Variants in NDRG1 observed in about 807,000 individuals in gnomAD.
NDRG1 encodes N-myc downstream regulated 1.
A neutral mutation model predicts 56.9 loss-of-function variants in NDRG1; 32 were observed. The observed-to-expected ratio is 0.56, with a 90% CI of 0.42 to 0.76. The LOEUF is 0.76. NDRG1 is among the 30% of genes least tolerant of loss of function. The probability of loss-of-function intolerance (pLI) is 0.00; values close to 1 mark genes in which losing one functional copy is unlikely to be tolerated. For synonymous variants in NDRG1, 211 were observed against 204.1 expected (o/e 1.03, Z -0.29); for missense variants, 507 against 545.7 (o/e 0.93, Z 0.71).
chr8:133,250,308 A>G (rs946877372), intron 10 of NDRG1, 132 bp downstream of exon 10: 2 of 852,772 alleles, frequency 2.3e-6, no homozygotes, highest in Non-Finnish European at 4.0e-6. Context: ...CTGTCCTATT[A>G]ATCTATTTGC....
intron 5 of NDRG1, among the ~76,000 whole-genome samples, chr8:133,261,269 C>T (rs1856648555): frequency 6.6e-6 from 1 of 152,112 alleles, no homozygotes; most frequent in Non-Finnish European, 1.5e-5. Flanking sequence ...CCACGCCCAG[C>T]TCATTTTTGT....
intron 5 of NDRG1, among the ~76,000 whole-genome samples, chr8:133,260,031 G>T (rs1490508684): frequency 6.6e-6 from 1 of 152,220 alleles, no homozygotes; most frequent in Non-Finnish European, 1.5e-5. Flanking sequence ...CCACTGAGCT[G>T]AGAAGCCGCA....
intron 15 of NDRG1, chr8:133,239,337 T>C (rs1314698490): frequency 2.8e-6 from 2 of 720,178 alleles, no homozygotes; most frequent in Admixed American, 5.5e-5. Flanking sequence ...AATCACACCA[T>C]GAGTGACTTG....
chr8:133,238,827 AG>A lies in NDRG1; in HGVS notation c.*50del. The A allele has an allele frequency of 2.0e-6, 3 of 1,524,558 alleles. No individual in the cohort carries two copies. Among genetic ancestry groups the A allele is most frequent in the Non-Finnish European group, 8.8e-7 (1 of 1,138,882 alleles). The allele number at this position is 1,524,558 out of a possible 1,614,324, so 94.4% of individuals were successfully genotyped here. On this transcript the variant is annotated 3_prime_UTR_variant, in exon 16 of 16. Coordinates refer to ENST00000323851, the MANE Select transcript of NDRG1 (RefSeq NM_006096.4). ...AGGGGGCGAAAAGGGGCCGGGGAGG[AG>A]GGGGCCACTACAGAGATCAGAGTCC...
intron 3 of NDRG1, among the ~76,000 whole-genome samples, chr8:133,270,136 A>G (rs1273207683): frequency 6.6e-6 from 1 of 152,256 alleles, no homozygotes; most frequent in Non-Finnish European, 1.5e-5. Flanking sequence ...TCCAATTGAC[A>G]GAGTCTGGCC....
At chr8:133,247,838 G>T in intron 12 of NDRG1, 37 bp downstream of exon 12, 2 of 1,611,178 alleles carry the variant, frequency 1.2e-6, no homozygotes, top group Non-Finnish European at 1.7e-6. Flanking sequence ...TTTGCCTGTT[G>T]AATTAAACAC....
intron 11 of NDRG1, 113 bp from the exon 12 acceptor site, chr8:133,248,039 C>T (rs987868281): frequency 8.0e-6 from 8 of 1,000,014 alleles, no homozygotes; most frequent in African/African-American, 1.6e-5. Context: ...TTTTGGTTTC[C>T]CCAACACCCT....
At chr8:133,263,317 T>C (rs1025574963) in intron 4 of NDRG1, among the ~76,000 whole-genome samples, 1 of 152,208 alleles carries the variant, frequency 6.6e-6, no homozygotes, top group Non-Finnish European at 1.5e-5. Context: ...AAGGTATTAA[T>C]AAGCTTTATA....
chr8:133,275,600 C>G (rs1857414138), intron 3 of NDRG1, among the ~76,000 whole-genome samples: 1 of 152,178 alleles, frequency 6.6e-6, no homozygotes, highest in Non-Finnish European at 1.5e-5. Flanking sequence ...CATGCCCTAT[C>G]CCATCACCTG....
chr8:133,268,347 G>A (rs1210622602), intron 3 of NDRG1, among the ~76,000 whole-genome samples: 1 of 152,144 alleles, frequency 6.6e-6, no homozygotes, highest in Non-Finnish European at 1.5e-5. Flanking sequence ...GCCTCACAGA[G>A]CACTAACACT....
At chr8:133,296,328 A>G (rs1346620307) in intron 1 of NDRG1, among the ~76,000 whole-genome samples, 1 of 152,112 alleles carries the variant, frequency 6.6e-6, no homozygotes, top group African/African-American at 2.4e-5. Context: ...AGGGGCCGCC[A>G]AATGTCCGCG....
intron 1 of NDRG1, among the ~76,000 whole-genome samples, chr8:133,291,831 C>T (rs1282401669): frequency 2.0e-5 from 3 of 152,122 alleles, no homozygotes; most frequent in Non-Finnish European, 2.9e-5. Context: ...TCAAACAAGC[C>T]AAAGCCGCAT....
Position 133,280,277 on chromosome 8 carries a change from G to C in NDRG1, c.64-10C>G, listed in dbSNP as rs1857714894. ...GGAGGCCGGTGATGGTCTGTGAAAA[G>C]ACAAAAAAAATTGTCAATTTCATCT... On this transcript the variant is annotated splice_polypyrimidine_tract_variant and intron_variant, in intron 2 of 15. Transcript: ENST00000323851. The C allele has an allele frequency of 6.2e-7, 1 of 1,613,566 alleles. No individual in the cohort carries two copies. Among genetic ancestry groups the C allele is most frequent in the Non-Finnish European group, 8.5e-7 (1 of 1,179,674 alleles).
intron 9 of NDRG1, among the ~76,000 whole-genome samples, chr8:133,252,615 C>G (rs1452640598): frequency 6.6e-6 from 1 of 150,666 alleles, no homozygotes; most frequent in African/African-American, 2.4e-5. Context: ...TCGCCAACTC[C>G]GGAGTGGGGC....
intron 6 of NDRG1, chr8:133,258,942 C>T (rs1340993267): frequency 5.0e-6 from 3 of 605,394 alleles, no homozygotes; most frequent in Non-Finnish European, 8.9e-6. Context: ...TGCCATCATG[C>T]AATATAACAT....
At chr8:133,268,099 C>A (rs191955851) in intron 3 of NDRG1, among the ~76,000 whole-genome samples, 29 of 152,234 alleles carry the variant, frequency 1.9e-4, no homozygotes, top group Non-Finnish European at 2.4e-4. Flanking sequence ...GGAAAGGCTG[C>A]CTAGGTCTCA....
At chr8:133,284,532 G>A (rs987888577) in intron 1 of NDRG1, among the ~76,000 whole-genome samples, 4 of 152,132 alleles carry the variant, frequency 2.6e-5, no homozygotes, top group Admixed American at 2.0e-4. Flanking sequence ...TGGGGCCAGC[G>A]CAGTGGATTT....
intron 7 of NDRG1, among the ~76,000 whole-genome samples, chr8:133,257,078 G>A (rs1219682260): frequency 6.6e-6 from 1 of 152,188 alleles, no homozygotes; most frequent in East Asian, 1.9e-4. Flanking sequence ...GGAGAAAGAG[G>A]AAGTGCAGGA....
At position 133,277,686 on chromosome 8, in the gene NDRG1, T is replaced by C. The variant is rs186821812; in HGVS notation, c.99+2546A>G. Among the ~76,000 whole-genome samples, 395 of 152,300 alleles carry C rather than the reference T, an allele frequency of 2.6e-3. 1 individual carries two copies. Among genetic ancestry groups the C allele is most frequent in the South Asian group, 0.016 (75 of 4,824 alleles). Reference sequence around the variant, plus strand: ...ATTTAAAAGTAGTTAAGTTGGTAAATTGGATGTTACGTGTATGTTTCCACA... The same window carrying C: ...ATTTAAAAGTAGTTAAGTTGGTAAACTGGATGTTACGTGTATGTTTCCACA... On this transcript the variant is annotated intron_variant, in intron 3 of 15. Transcript: ENST00000323851.
Sources: gnomAD v4.1 joint callset for allele counts (sites outside exome capture counted in the v4.1 genomes callset) on GRCh38, gnomAD v4.1.1 for gene constraint, MANE v1.5 for transcripts, NCBI Gene and HGNC (gene_info 2026-07-23, HGNC 2026-07-21) for gene names.